Variants in RPTOR observed in about 807,000 individuals in gnomAD.
RPTOR encodes the protein regulatory-associated protein of mTOR.
Under a neutral mutation model 169.9 loss-of-function variants are expected in RPTOR, and 21 were observed. That is an observed-to-expected ratio of 0.12 (90% confidence interval 0.09 to 0.18). The LOEUF is 0.18. Among genes scored for constraint, RPTOR ranks in the 10% least tolerant of loss-of-function variants. The probability of loss-of-function intolerance (pLI) is 1.00; values close to 1 mark genes in which losing one functional copy is unlikely to be tolerated. For missense variants in RPTOR, 1,133 were observed against 1,855.9 expected (o/e 0.61, Z 7.16); for synonymous variants, 732 against 753.2 (o/e 0.97, Z 0.46).
At chr17:80,716,191 A>C (rs1239236986) in intron 4 of RPTOR, among the ~76,000 whole-genome samples, 2 of 152,216 alleles carry the variant, frequency 1.3e-5, no homozygotes, top group Non-Finnish European at 2.9e-5. Flanking sequence ...CCAGCGGTGT[A>C]GAAGTGTTCC....
At chr17:80,560,155 C>G (rs762571092) in intron 1 of RPTOR, among the ~76,000 whole-genome samples, 4 of 152,146 alleles carry the variant, frequency 2.6e-5, no homozygotes, top group African/African-American at 9.7e-5. Flanking sequence ...AACAAGGTAG[C>G]GATTTCAGGA....
chr17:80,868,499 G>T (rs138902257), intron 13 of RPTOR, among the ~76,000 whole-genome samples: 211 of 152,324 alleles, frequency 1.4e-3, no homozygotes, highest in African/African-American at 5.0e-3. Context: ...GGCCGTGGAG[G>T]AACTGGAACC....
rs189329360 is a variant in RPTOR at position 80,659,130 on chromosome 17, C to T, written c.348+15320C>T. ...TTGTGGAATGGTGGTGGCAGCATCA[C>T]GTCCTGCAGGCTGGAGCCCATGAGT... On this transcript the variant is annotated intron_variant, in intron 3 of 33. Transcript: ENST00000306801. This position sits in a 1 kb window ranked among gnomAD's most constrained non-coding sequence, Gnocchi z 4.3. Among the ~76,000 whole-genome samples, 11 of 152,306 alleles carry T rather than the reference C, an allele frequency of 7.2e-5. No individual in the cohort carries two copies. The highest frequency in any genetic ancestry group is 1.3e-4 in the Non-Finnish European group (9 of 68,036).
chr17:80,709,070 CT>C, intron 4 of RPTOR: 1 of 985,502 alleles, frequency 1.0e-6, no homozygotes, highest in South Asian at 4.7e-5. Context: ...AGGAAGGCTT[CT>C]GACCCTGGAC....
rs571453818 is a variant in RPTOR, at chr17:80,696,769, C to T, written c.349-11072C>T. Among the ~76,000 whole-genome samples, 6 of 152,330 alleles carry T rather than the reference C, an allele frequency of 3.9e-5. No homozygotes were observed. The East Asian group carries it at 1.2e-3, about 29-fold the overall frequency. On this transcript the variant is annotated intron_variant, in intron 3 of 33. Coordinates refer to ENST00000306801, the MANE Select transcript of RPTOR (RefSeq NM_020761.3). ...CGAGTGTGGGATCCAGCCAGCCCCC[C>T]CAAGCACCAATACAGGAGCAAACTC...
intron 3 of RPTOR, among the ~76,000 whole-genome samples, chr17:80,660,087 G>C (rs1299062470): frequency 6.6e-6 from 1 of 152,012 alleles, no homozygotes; most frequent in Non-Finnish European, 1.5e-5. Flanking sequence ...TCTGGCCAAC[G>C]TGGTGAAACC....
chr17:80,877,465 T>C (rs544697102), intron 13 of RPTOR, among the ~76,000 whole-genome samples: 9 of 152,364 alleles, frequency 5.9e-5, no homozygotes, highest in Admixed American at 5.9e-4. Flanking sequence ...CAGACTCCGA[T>C]ACCAAGGGCA....
intron 1 of RPTOR, among the ~76,000 whole-genome samples, chr17:80,584,350 T>TA (rs112094563): frequency 0.048 from 7,146 of 149,202 alleles, 595 homozygotes; most frequent in African/African-American, 0.17. Context: ...TCAGGGGAGC[T>TA]AAAAAAAAAT....
chr17:80,806,085 A>G (rs2067215819), intron 7 of RPTOR, among the ~76,000 whole-genome samples: 1 of 152,182 alleles, frequency 6.6e-6, no homozygotes, highest in Non-Finnish European at 1.5e-5. Context: ...GATTTTTAAA[A>G]ATCATTAAAA....
chr17:80,634,182 CGCATACTGTGTGT>C (rs1391388411), intron 2 of RPTOR, among the ~76,000 whole-genome samples: 60 of 103,050 alleles, frequency 5.8e-4, no homozygotes, highest in South Asian at 1.9e-3. Context: ...TGTGTGTGTG[CGCATACTGTGTGT>C]GCATACTGTG....
chr17:80,900,311 C>T (rs976564747), intron 20 of RPTOR, among the ~76,000 whole-genome samples: 6 of 151,946 alleles, frequency 3.9e-5, no homozygotes, highest in African/African-American at 7.3e-5. Context: ...CTCCTGGGGC[C>T]GTGTGCTCAC....
chr17:80,793,282 G>A (rs894593150), intron 7 of RPTOR, among the ~76,000 whole-genome samples: 34 of 152,092 alleles, frequency 2.2e-4, no homozygotes, highest in Admixed American at 1.3e-4. Context: ...AAACGCTTCC[G>A]GTTCCAAGCA....
rs912972272 is a variant in RPTOR at position 80,965,369 on chromosome 17, C to G, written c.*1039C>G. ...GGACGGCTCCGGGTGACACCAGCCC[C>G]GTCTCCAGCCTTGAGCCGCCCATGC... On this transcript the variant is annotated 3_prime_UTR_variant, in exon 34 of 34. Transcript: ENST00000306801. 1 of 233,270 alleles carries G rather than the reference C, an allele frequency of 4.3e-6. No homozygotes were observed. Among genetic ancestry groups the G allele is most frequent in the African/African-American group, 2.2e-5 (1 of 45,366 alleles). The allele number at this position is 233,270 out of a possible 1,614,324, so 14.5% of individuals were successfully genotyped here. A position where few individuals can be genotyped will look rare whatever the true frequency, so the allele number is the denominator to read the frequency against.
At chr17:80,889,401 A>G (rs2068288119) in intron 17 of RPTOR, among the ~76,000 whole-genome samples, 1 of 152,186 alleles carries the variant, frequency 6.6e-6, no homozygotes, top group South Asian at 2.1e-4. Flanking sequence ...AGCCCCAGCC[A>G]GGGAGCAGGA....
chr17:80,799,377 G>A (rs915155671), intron 7 of RPTOR, among the ~76,000 whole-genome samples: 16 of 152,252 alleles, frequency 1.1e-4, no homozygotes, highest in African/African-American at 3.9e-4. Flanking sequence ...TGGATGTGCA[G>A]ATGTCAGGGA....
rs181423411 is a variant in RPTOR at position 80,702,263 on chromosome 17, C to T, written c.349-5578C>T. ...GTTTTTTGTTTTGTTTTCTTTTCTTCGGTTATTCATTCTTTTATTATCTTC... is the reference window on the plus strand; with the variant it reads ...GTTTTTTGTTTTGTTTTCTTTTCTTTGGTTATTCATTCTTTTATTATCTTC... On this transcript the variant is annotated intron_variant, in intron 3 of 33. Coordinates refer to ENST00000306801, the MANE Select transcript of RPTOR (RefSeq NM_020761.3). Among the ~76,000 whole-genome samples, 48 of 152,116 alleles carry T rather than the reference C, an allele frequency of 3.2e-4. 1 individual carries two copies. The highest frequency in any genetic ancestry group is 1.1e-3 in the African/African-American group (44 of 41,484).
intron 5 of RPTOR, among the ~76,000 whole-genome samples, chr17:80,745,036 G>T (rs1250928877): frequency 1.3e-5 from 2 of 151,784 alleles, no homozygotes; most frequent in African/African-American, 4.9e-5. Context: ...CTCTGCTAGA[G>T]ACTGCCCAAA....
At chr17:80,876,099 G>A (rs376935729) in intron 13 of RPTOR, among the ~76,000 whole-genome samples, 248 of 99,274 alleles carry the variant, frequency 2.5e-3, no homozygotes, top group South Asian at 3.3e-3. Flanking sequence ...GTCACCTGCC[G>A]GGTCTTCCAC....
At chr17:80,767,947 T>G (rs550380519) in intron 6 of RPTOR, among the ~76,000 whole-genome samples, 18 of 152,206 alleles carry the variant, frequency 1.2e-4, no homozygotes, top group Non-Finnish European at 2.5e-4. Context: ...CACTGCAACC[T>G]CTGACTCCCT....
Sources: allele counts gnomAD v4.1 joint callset (sites outside exome capture counted in the v4.1 genomes callset), GRCh38; gene constraint gnomAD v4.1.1; non-coding constraint Gnocchi (gnomAD v3.1); transcripts MANE v1.5; gene names NCBI Gene and HGNC (gene_info 2026-07-23, HGNC 2026-07-21).